The following APBB2 variants were observed in gnomAD, a reference collection of about 807,000 sequenced individuals.
APBB2 encodes the protein Fe65-like 1.
In APBB2, 38 loss-of-function variants were observed where a neutral mutation model predicts 82.5. The observed-to-expected ratio is 0.46, with a 90% confidence interval of 0.36 to 0.60. The LOEUF is 0.60. Among genes scored for constraint, APBB2 ranks in the 20% least tolerant of loss-of-function variants. The pLI, the probability that APBB2 is intolerant of heterozygous loss-of-function variation, is 0.00. For synonymous variants in APBB2, 341 were observed against 368.2 expected (o/e 0.93, Z 0.85); for missense variants, 772 against 972.3 (o/e 0.79, Z 2.74).
intron 6 of APBB2, among the ~76,000 whole-genome samples, chr4:40,960,947 C>T (rs1436589690): frequency 6.8e-6 from 1 of 146,990 alleles, no homozygotes; most frequent in Admixed American, 6.8e-5. Flanking sequence ...TGGCAATTTC[C>T]AAGAGCCCTC....
At chr4:41,095,837 C>T (rs1743288892) in intron 3 of APBB2, among the ~76,000 whole-genome samples, 1 of 152,166 alleles carries the variant, frequency 6.6e-6, no homozygotes, top group Non-Finnish European at 1.5e-5. Context: ...AAACTCCCAT[C>T]TAGTTATTTC....
At position 40,975,753 on chromosome 4, in the gene APBB2, AACACAC is replaced by A. The variant is rs368424451; in HGVS notation, c.836-30686_836-30681del. 4.5e-3 allele frequency among the ~76,000 whole-genome samples: 637 copies of A among 142,090 alleles called. 9 individuals carry two copies. Among genetic ancestry groups the A allele is most frequent in the African/African-American group, 0.016 (596 of 38,298 alleles). The allele number at this position is 142,090 out of a possible 152,430, so 93.2% of individuals were successfully genotyped here. ...ATAAAGAATTTAAATGTAGTAAGAA[AACACAC>A]ACACACACACACACACACACACACA... On this transcript the variant is annotated intron_variant, in intron 6 of 17. Coordinates refer to ENST00000508593, the MANE Select transcript of APBB2 (RefSeq NM_004307.2).
At chr4:41,080,685 G>A (rs1036282473) in intron 3 of APBB2, among the ~76,000 whole-genome samples, 1 of 146,500 alleles carries the variant, frequency 6.8e-6, no homozygotes, top group Non-Finnish European at 1.5e-5. Context: ...TTCAGTTGGT[G>A]ATGTAAATGC....
intron 6 of APBB2, among the ~76,000 whole-genome samples, chr4:40,958,959 G>A (rs1792386616): frequency 6.6e-6 from 1 of 152,274 alleles, no homozygotes; most frequent in East Asian, 1.9e-4. Context: ...AGATAAAATA[G>A]CTAGGCAGGC....
At chr4:41,149,096 G>A (rs1761539403) in intron 1 of APBB2, among the ~76,000 whole-genome samples, 1 of 151,872 alleles carries the variant, frequency 6.6e-6, no homozygotes, top group Non-Finnish European at 1.5e-5. Context: ...CCATATGAAG[G>A]GCGCTCTGAG....
intron 12 of APBB2, among the ~76,000 whole-genome samples, chr4:40,875,960 C>A (rs1031849579): frequency 6.6e-6 from 1 of 152,262 alleles, no homozygotes; most frequent in South Asian, 2.1e-4. Context: ...TTTTATTAGG[C>A]TGTGTCTAGG....
chr4:40,995,622 C>T (rs929727318), intron 6 of APBB2, among the ~76,000 whole-genome samples: 1 of 151,712 alleles, frequency 6.6e-6, no homozygotes, highest in Non-Finnish European at 1.5e-5. Flanking sequence ...CAGCTCACTA[C>T]AGCCTCGACT....
intron 12 of APBB2, among the ~76,000 whole-genome samples, chr4:40,844,516 C>T (rs760050634): frequency 2.6e-5 from 4 of 152,230 alleles, no homozygotes; most frequent in South Asian, 4.1e-4. Flanking sequence ...CTGTCTCCCA[C>T]GGAAGGACAG....
chr4:40,817,540 A>G (rs376428002), intron 17 of APBB2, among the ~76,000 whole-genome samples: 9 of 152,248 alleles, frequency 5.9e-5, no homozygotes, highest in Admixed American at 3.9e-4. Context: ...GCAAAACCCA[A>G]TTACTCAGAG....
chr4:41,136,585 G>C (rs191106218), intron 2 of APBB2, among the ~76,000 whole-genome samples: 1 of 152,146 alleles, frequency 6.6e-6, no homozygotes, highest in African/African-American at 2.4e-5. Context: ...AGAAGATTAC[G>C]AAGAAAGCAG....
At position 40,827,181 on chromosome 4, in the gene APBB2, G is replaced by C; in HGVS notation, c.1683C>G (p.Cys561Trp). The change falls in exon 14 of 18, where the codon TGC becomes TGG. Residue 561 changes from cysteine (C) to tryptophan (W), a missense_variant. Cys to Trp is a radical substitution (Grantham distance 215). Transcript: ENST00000508593. ...CATTGGCCCTTTCCTGTAAGGAGCT[G>C]CAGGCCAGCGCTTTGGCATTCTTCC... ...AERKNAKALACSSLQERANVN... is the reference protein window; with the variant it reads ...AERKNAKALAWSSLQERANVN... The C allele has an allele frequency of 1.2e-6, 2 of 1,614,184 alleles. No homozygotes were observed. The highest frequency in any genetic ancestry group is 8.5e-7 in the Non-Finnish European group (1 of 1,180,026).
chr4:40,911,104 G>A (rs1778414830), intron 10 of APBB2, among the ~76,000 whole-genome samples: 1 of 152,248 alleles, frequency 6.6e-6, no homozygotes, highest in South Asian at 2.1e-4. Context: ...ACATAGGGTT[G>A]ACCCTTGAAC....
At chr4:40,986,772 C>T (rs899035565) in intron 6 of APBB2, among the ~76,000 whole-genome samples, 3 of 152,136 alleles carry the variant, frequency 2.0e-5, no homozygotes, top group Non-Finnish European at 2.9e-5. Context: ...CGTGAAAGCA[C>T]TGAAGAAATC....
chr4:40,934,420 A>G, intron 10 of APBB2, 36 bp downstream of exon 10: 1 of 1,593,528 alleles, frequency 6.3e-7, no homozygotes, highest in African/African-American at 1.3e-5. Flanking sequence ...GGATCTAAGA[A>G]TATAACCTGG....
Position 40,945,089 on chromosome 4 carries a change from G to GC in APBB2, c.836-17dup. The GC allele has an allele frequency of 7.4e-6, 7 of 940,680 alleles. No individual in the cohort carries two copies. Among genetic ancestry groups the GC allele is most frequent in the Non-Finnish European group, 1.1e-5 (7 of 623,748 alleles). The allele number at this position is 940,680 out of a possible 1,614,324, so 58.3% of individuals were successfully genotyped here. On this transcript the variant is annotated splice_polypyrimidine_tract_variant and intron_variant, in intron 6 of 17. Transcript: ENST00000508593. Reference sequence around the variant, plus strand: ...CATATATCTGCTGAAAAATTGGGGGGCGGGGCGGGGGGAGAAAGAGAGAAT... The same window carrying GC: ...CATATATCTGCTGAAAAATTGGGGGGCCGGGGCGGGGGGAGAAAGAGAGAAT...
chr4:41,196,773 C>A, intron 1 of APBB2, among the ~76,000 whole-genome samples: 1 of 152,064 alleles, frequency 6.6e-6, no homozygotes, highest in Non-Finnish European at 1.5e-5. Flanking sequence ...AAGAAAACCA[C>A]AATTGGAAAT....
rs564690925 is a variant in APBB2 at position 41,068,868 on chromosome 4, T to G, written c.-148-3195A>C. On this transcript the variant is annotated intron_variant, in intron 3 of 17. Transcript: ENST00000508593. Reference sequence around the variant, plus strand: ...TGGAGTGCAGTGGCGTGATCTCAGCTTACTGCAACCTCCGACTTCCTGGTT... The same window carrying G: ...TGGAGTGCAGTGGCGTGATCTCAGCGTACTGCAACCTCCGACTTCCTGGTT... 1.2e-4 allele frequency among the ~76,000 whole-genome samples: 18 copies of G among 147,138 alleles called. No homozygotes were observed. The South Asian group carries it at 3.9e-3, about 32-fold the overall frequency.
chr4:41,050,584 A>G (rs940725620), intron 4 of APBB2, among the ~76,000 whole-genome samples: 2 of 152,202 alleles, frequency 1.3e-5, no homozygotes, highest in African/African-American at 4.8e-5. Flanking sequence ...CAAGTTGCCA[A>G]TGTTACCTTT....
At chr4:40,907,567 C>T (rs1338031939) in intron 10 of APBB2, among the ~76,000 whole-genome samples, 3 of 150,138 alleles carry the variant, frequency 2.0e-5, no homozygotes, top group Admixed American at 1.3e-4. Flanking sequence ...GATGGGGTTT[C>T]GCCCTGTTGG....
Sources: gnomAD v4.1 joint callset for allele counts (sites outside exome capture counted in the v4.1 genomes callset) on GRCh38, gnomAD v4.1.1 for gene constraint, MANE v1.5 for transcripts, NCBI Gene and HGNC (gene_info 2026-07-23, HGNC 2026-07-21) for gene names.